The following CCNT1 variants were observed in gnomAD, a reference collection of about 807,000 sequenced individuals.
CCNT1 encodes cyclin T1, also known as cyclin-T1.
CCNT1 carries 18 observed loss-of-function variants against 67.3 expected under a neutral mutation model. That is an observed-to-expected ratio of 0.27 (90% CI 0.18 to 0.40). The LOEUF (loss-of-function observed/expected upper bound fraction) is 0.40, where lower values mean the gene tolerates loss of function less well. CCNT1 is among the 10% of genes least tolerant of loss of function. CCNT1 has a pLI of 1.00. For synonymous variants in CCNT1, 333 were observed against 310.3 expected, an observed-to-expected ratio of 1.07 and a Z score of -0.77; for missense variants, 744 against 884.9, an observed-to-expected ratio of 0.84 and a Z score of 2.02.
intron 5 of CCNT1, among the ~76,000 whole-genome samples, chr12:48,699,365 A>C (rs1940229276): frequency 2.0e-5 from 3 of 152,214 alleles, no homozygotes; most frequent in African/African-American, 7.2e-5. Flanking sequence ...AATTATACCT[A>C]ATATTGTTAA....
At position 48,692,533 on chromosome 12, in the gene CCNT1, C is replaced by T. The variant is rs968997680; in HGVS notation, c.*500G>A. The T allele has an allele frequency of 1.3e-5, 2 of 149,608 alleles. No individual in the cohort carries two copies. Among genetic ancestry groups the T allele is most frequent in the East Asian group, 4.2e-4 (2 of 4,802 alleles). 9.3% of individuals were successfully genotyped at this position (149,608 alleles called of 1,614,324 possible). On this transcript the variant is annotated 3_prime_UTR_variant, in exon 9 of 9. Coordinates refer to ENST00000261900, the MANE Select transcript of CCNT1 (RefSeq NM_001240.4). ...GAGTTACTGCTATGTATCATATACA[C>T]ACAGCAAAATCCCTATCCCCTTCCC...
At chr12:48,701,148 T>C in intron 3 of CCNT1, 75 bp from the exon 4 acceptor site, 1 of 777,120 alleles carries the variant, frequency 1.3e-6, no homozygotes, top group East Asian at 2.9e-5. Context: ...AACAATCCCT[T>C]CCAGGGAAAC....
Position 48,716,666 on chromosome 12 carries a change from C to G in CCNT1, c.10G>C (p.Glu4Gln). MEG[E>Q]RKNNNKRWYF... ...CACCGTTTGTTGTTGTTCTTCCTCT[C>G]TCCCTCCATAGTGCTTCAACCAGAA... Residue 4 changes from glutamate (E) to glutamine (Q), a missense_variant, in exon 1 of 9, where the codon GAG becomes CAG. Glu to Gln is a conservative substitution (Grantham distance 29, BLOSUM62 2). This residue lies in a region of CCNT1 where 38 missense variants were observed against 33.7 expected (regional missense o/e 1.13). Transcript: ENST00000261900. The G allele has an allele frequency of 6.2e-7, 1 of 1,614,026 alleles. No homozygotes were observed. The highest frequency in any genetic ancestry group is 2.2e-5 in the East Asian group (1 of 44,872).
At chr12:48,698,051 C>A (rs913066269) in intron 6 of CCNT1, 87 bp downstream of exon 6, 4 of 735,762 alleles carry the variant, frequency 5.4e-6, no homozygotes, top group African/African-American at 1.8e-5. Context: ...TCAACATTCA[C>A]CAGAGAATTA....
chr12:48,702,868 C>A (rs1344312728), intron 3 of CCNT1, among the ~76,000 whole-genome samples: 1 of 152,100 alleles, frequency 6.6e-6, no homozygotes, highest in Non-Finnish European at 1.5e-5. Flanking sequence ...ACCTGGAATT[C>A]TAACACTTTG....
At position 48,693,019 on chromosome 12, in the gene CCNT1, TTC is replaced by T; in HGVS notation, c.*12_*13del. The stretch of plus-strand genomic sequence containing the variant: ...TTTTTAAAGAAGTTTTTTTCTCCTC[TTC>T]TTTTTCTTTTTTTACTTAGGAAGGG... On this transcript the variant is annotated 3_prime_UTR_variant, in exon 9 of 9. Transcript: ENST00000261900. 1 of 1,503,030 alleles carries T rather than the reference TTC, an allele frequency of 6.7e-7. No homozygotes were observed. Among genetic ancestry groups the T allele is most frequent in the Non-Finnish European group, 9.0e-7 (1 of 1,117,272 alleles). 93.1% of individuals were successfully genotyped at this position (1,503,030 alleles called of 1,614,324 possible).
intron 8 of CCNT1, among the ~76,000 whole-genome samples, chr12:48,695,044 G>A (rs1439967985): frequency 2.0e-5 from 3 of 152,024 alleles, no homozygotes; most frequent in Non-Finnish European, 2.9e-5. Context: ...GGCTGGTCTC[G>A]AACTCCTGAC....
chr12:48,700,204 A>G (rs1330534555), intron 4 of CCNT1, among the ~76,000 whole-genome samples: 4 of 151,686 alleles, frequency 2.6e-5, no homozygotes, highest in Non-Finnish European at 5.9e-5. Context: ...CTGTAGTCCC[A>G]GCTACTCTGG....
rs1592121157 is a variant in CCNT1, at chr12:48,700,999, G to A, written c.433+14C>T. 1 of 1,457,750 alleles carries A rather than the reference G, an allele frequency of 6.9e-7. No individual in the cohort carries two copies. The highest frequency in any genetic ancestry group is 2.3e-5 in the East Asian group (1 of 43,180). The allele number at this position is 1,457,750 out of a possible 1,614,324, so 90.3% of individuals were successfully genotyped here. A position where few individuals can be genotyped will look rare whatever the true frequency, so the allele number is the denominator to read the frequency against. ...CATAATTTAAAAAAATGTTTCAAAGGAAAATAAACTTACCTAAAGTCTGCA... is the reference window on the plus strand; with the variant it reads ...CATAATTTAAAAAAATGTTTCAAAGAAAAATAAACTTACCTAAAGTCTGCA... On this transcript the variant is annotated intron_variant, in intron 4 of 8. Coordinates refer to ENST00000261900, the MANE Select transcript of CCNT1 (RefSeq NM_001240.4).
chr12:48,690,313 A>C lies in CCNT1; in HGVS notation c.*2720T>G, dbSNP rs902399278. The C allele has an allele frequency of 1.3e-5, 2 of 152,212 alleles. No homozygotes were observed. Among genetic ancestry groups the C allele is most frequent in the Non-Finnish European group, 2.9e-5 (2 of 68,032 alleles). The allele number at this position is 152,212 out of a possible 1,614,324, so 9.4% of individuals were successfully genotyped here. On this transcript the variant is annotated 3_prime_UTR_variant, in exon 9 of 9. Transcript: ENST00000261900. ...ACAGTCTAGGTTACATGGAGAAACA[A>C]AAAGCCATATTTATCAGACTAACTT...
intron 2 of CCNT1, among the ~76,000 whole-genome samples, chr12:48,706,219 G>A (rs1259141855): frequency 6.6e-6 from 1 of 152,066 alleles, no homozygotes; most frequent in African/African-American, 2.4e-5. Flanking sequence ...CATTTTTTAA[G>A]GAGTAAACTG....
At chr12:48,705,538 G>A (rs1330180755) in intron 3 of CCNT1, 1 of 474,690 alleles carries the variant, frequency 2.1e-6, no homozygotes, top group Non-Finnish European at 3.7e-6. Flanking sequence ...CTCCCAAAGT[G>A]CTAGGATTAC....
intron 5 of CCNT1, among the ~76,000 whole-genome samples, chr12:48,698,708 A>T (rs1394731477): frequency 6.6e-5 from 10 of 152,236 alleles, no homozygotes; most frequent in Admixed American, 6.5e-4. Context: ...CTGTAATCCC[A>T]GCACTTTGGG....
At position 48,693,689 on chromosome 12, in the gene CCNT1, T is replaced by C. The variant is rs1386354143; in HGVS notation, c.1525A>G (p.Lys509Glu). The change falls in exon 9 of 9, where the codon AAG (lysine) becomes GAG (glutamate). Residue 509 changes from lysine (K) to glutamate (E), a missense_variant. Transcript: ENST00000261900. ...TGATTAGATGGGTGAGTCTTGTGCT[T>C]TTCTTTGTGCTCTCGGCTCTTTGTA... is the stretch of plus-strand genomic sequence containing the variant. The part of the protein sequence containing the change: ...SVTKSREHKE[K>E]HKTHPSNHHH... 7 of 1,613,996 alleles carry C rather than the reference T, an allele frequency of 4.3e-6. No individual in the cohort carries two copies. Among genetic ancestry groups the C allele is most frequent in the Non-Finnish European group, 5.9e-6 (7 of 1,180,018 alleles).
At chr12:48,710,856 T>C (rs1475396650) in intron 2 of CCNT1, among the ~76,000 whole-genome samples, 1 of 152,090 alleles carries the variant, frequency 6.6e-6, no homozygotes, top group African/African-American at 2.4e-5. Flanking sequence ...AGGTCAGGAA[T>C]TCAAGACCAG....
chr12:48,705,593 A>T, intron 3 of CCNT1, 175 bp downstream of exon 3: 1 of 616,584 alleles, frequency 1.6e-6, no homozygotes, highest in Non-Finnish European at 2.8e-6. Context: ...CTTACTGTTA[A>T]GAAAAACACA....
intron 2 of CCNT1, among the ~76,000 whole-genome samples, chr12:48,712,008 A>G (rs1158171382): frequency 6.6e-6 from 1 of 151,890 alleles, no homozygotes; most frequent in Non-Finnish European, 1.5e-5. Context: ...GTTAGCCAGG[A>G]TGGTCTTGAT....
At chr12:48,702,602 G>A (rs1466591533) in intron 3 of CCNT1, among the ~76,000 whole-genome samples, 1 of 152,142 alleles carries the variant, frequency 6.6e-6, no homozygotes, top group Non-Finnish European at 1.5e-5. Context: ...GGCCAATATG[G>A]TGAAACCCTG....
Position 48,690,859 on chromosome 12 carries a change from T to C in CCNT1, c.*2174A>G, listed in dbSNP as rs192159892. 84 of 152,282 alleles carry C rather than the reference T, an allele frequency of 5.5e-4. No individual in the cohort carries two copies. Among genetic ancestry groups the C allele is most frequent in the African/African-American group, 2.0e-3 (83 of 41,554 alleles). The allele number at this position is 152,282 out of a possible 1,614,324, so 9.4% of individuals were successfully genotyped here. ...GTAACTAAAAGCTGGAAAAGACATTTTTCAAAATCAAACCAGTGATCATCA... is the reference window on the plus strand; with the variant it reads ...GTAACTAAAAGCTGGAAAAGACATTCTTCAAAATCAAACCAGTGATCATCA... On this transcript the variant is annotated 3_prime_UTR_variant, in exon 9 of 9. Transcript: ENST00000261900.
Sources: allele counts gnomAD v4.1 joint callset (sites outside exome capture counted in the v4.1 genomes callset), GRCh38; gene constraint gnomAD v4.1.1; regional missense constraint gnomAD v4.1.1; transcripts MANE v1.5; gene names NCBI Gene and HGNC (gene_info 2026-07-23, HGNC 2026-07-21).